Variants in PCDHGA6 observed in about 807,000 individuals in gnomAD.
The protein encoded by PCDHGA6 is protocadherin gamma-A6.
In PCDHGA6, 41 loss-of-function variants were observed where a neutral mutation model predicts 60.6. The observed-to-expected ratio is 0.68, with a 90% CI of 0.53 to 0.88. The LOEUF is 0.88. Ranked by LOEUF, PCDHGA6 falls within the 40% of genes least tolerant of loss-of-function variation. The pLI, the probability that PCDHGA6 is intolerant of heterozygous loss-of-function variation, is 0.00. For synonymous variants in PCDHGA6, 594 were observed against 524.4 expected, an observed-to-expected ratio of 1.13 and a Z score of -1.81; for missense variants, 1,312 against 1,203.0, an observed-to-expected ratio of 1.09 and a Z score of -1.34.
In PCDHGA6 at chr5:141,489,327, G is replaced by A; in HGVS notation, c.2425-5480G>A. The A allele has an allele frequency of 6.2e-7, 1 of 1,603,940 alleles. No individual in the cohort carries two copies. Among genetic ancestry groups the A allele is most frequent in the South Asian group, 1.1e-5 (1 of 89,400 alleles). ...TGTGCTGCTGGGGCTGGGTGTCTGG[G>A]CAGCTTCGTTACTCAGTGGTGGAGG... is the stretch of plus-strand genomic sequence containing the variant. On this transcript the variant is annotated intron_variant, in intron 1 of 3. Transcript: ENST00000517434. This position sits in a 1 kb window ranked among gnomAD's most constrained non-coding sequence, Gnocchi z 4.5.
chr5:141,404,592 C>T, intron 1 of PCDHGA6: 1 of 1,614,048 alleles, frequency 6.2e-7, no homozygotes, highest in African/African-American at 1.3e-5. Flanking sequence ...AGCAATGTGT[C>T]ATTGAGACTG....
At chr5:141,443,760 T>C (rs894568340) in intron 1 of PCDHGA6, among the ~76,000 whole-genome samples, 20 of 152,040 alleles carry the variant, frequency 1.3e-4, no homozygotes, top group African/African-American at 4.6e-4. Context: ...AAGCTTACAA[T>C]ATACAATATT....
rs1031996605 is a variant in PCDHGA6, at chr5:141,487,055, G to C, written c.2425-7752G>C. ...TGCAGTCTCTCGATATGCTGGGGAG[G>C]TGCGGACGGCTGTTCCTATCCCAGC... is the stretch of plus-strand genomic sequence containing the variant. On this transcript the variant is annotated intron_variant, in intron 1 of 3. Transcript: ENST00000517434. The surrounding 1 kb of genome is among the most constrained non-coding windows in gnomAD (Gnocchi z 5.0). The C allele has an allele frequency of 6.2e-7, 1 of 1,614,186 alleles. No individual in the cohort carries two copies. The highest frequency in any genetic ancestry group is 8.5e-7 in the Non-Finnish European group (1 of 1,180,038).
At chr5:141,466,510 AT>A (rs1222513096) in intron 1 of PCDHGA6, among the ~76,000 whole-genome samples, 1 of 151,938 alleles carries the variant, frequency 6.6e-6, no homozygotes, top group Non-Finnish European at 1.5e-5. Context: ...AGACAAGATC[AT>A]TTTTTTTCCT....
rs546603908 is a variant in PCDHGA6, at chr5:141,408,104, C to G, written c.2424+31597C>G. ...ACAGCGGATTGCCAGCTCCGAGACCCGGGACTCCTCCTGTCCTGGGCCGAA... is the reference window on the plus strand; with the variant it reads ...ACAGCGGATTGCCAGCTCCGAGACCGGGGACTCCTCCTGTCCTGGGCCGAA... On this transcript the variant is annotated intron_variant, in intron 1 of 3. Coordinates refer to ENST00000517434, the MANE Select transcript of PCDHGA6 (RefSeq NM_018919.3). The G allele has an allele frequency of 2.8e-3, 4,048 of 1,441,886 alleles. 13 individuals carry two copies. Among genetic ancestry groups the G allele is most frequent in the Admixed American group, 6.6e-3 (242 of 36,606 alleles). 89.3% of individuals were successfully genotyped at this position (1,441,886 alleles called of 1,614,324 possible). A position where few individuals can be genotyped will look rare whatever the true frequency, so the allele number is the denominator to read the frequency against.
chr5:141,405,351 C>T (rs2094645564), intron 1 of PCDHGA6: 1 of 1,613,962 alleles, frequency 6.2e-7, no homozygotes, highest in Non-Finnish European at 8.5e-7. Context: ...TCCAAGTTTC[C>T]TATAGAAGAC....
intron 1 of PCDHGA6, among the ~76,000 whole-genome samples, chr5:141,401,393 A>G (rs2094149748): frequency 6.6e-6 from 1 of 152,202 alleles, no homozygotes. Context: ...ACTACATGTT[A>G]TGTGTATGAG....
At position 141,487,148 on chromosome 5, in the gene PCDHGA6, G is replaced by A; in HGVS notation, c.2425-7659G>A. ...TGGTAGTCCACCACTCTCTACCTCT[G>A]TTACTCTCTTAGTGTCCTTAGAGGA... On this transcript the variant is annotated intron_variant, in intron 1 of 3. Transcript: ENST00000517434. This position sits in a 1 kb window ranked among gnomAD's most constrained non-coding sequence, Gnocchi z 5.0. The A allele has an allele frequency of 6.2e-7, 1 of 1,614,042 alleles. No homozygotes were observed. The highest frequency in any genetic ancestry group is 8.5e-7 in the Non-Finnish European group (1 of 1,179,922).
In PCDHGA6 at chr5:141,490,673, C is replaced by T; in HGVS notation, c.2425-4134C>T. ...GGCTCCCTTCTTTGCACTGTGGCTG[C>T]CTCAGATCCAGACACTGGGGATAAT... On this transcript the variant is annotated intron_variant, in intron 1 of 3. Coordinates refer to ENST00000517434, the MANE Select transcript of PCDHGA6 (RefSeq NM_018919.3). This position sits in a 1 kb window ranked among gnomAD's most constrained non-coding sequence, Gnocchi z 5.4. 1.2e-6 allele frequency: 2 copies of T among 1,614,126 alleles called. No homozygotes were observed. The highest frequency in any genetic ancestry group is 1.7e-6 in the Non-Finnish European group (2 of 1,179,952).
chr5:141,419,065 C>G (rs763008753), intron 1 of PCDHGA6: 2 of 1,613,786 alleles, frequency 1.2e-6, no homozygotes, highest in South Asian at 2.2e-5. Context: ...ATAATTACTA[C>G]AAGCTAGTAA....
intron 1 of PCDHGA6, chr5:141,419,504 C>T (rs577411043): frequency 4.7e-5 from 75 of 1,612,298 alleles, no homozygotes; most frequent in South Asian, 2.7e-4. Flanking sequence ...TGTGAGCCTG[C>T]GCGTGTTGGT....
chr5:141,418,429 A>T (rs765952024), intron 1 of PCDHGA6: 2 of 1,613,854 alleles, frequency 1.2e-6, no homozygotes, highest in African/African-American at 2.7e-5. Context: ...ATGGTGGCAA[A>T]TATCCAGAAT....
At position 141,431,123 on chromosome 5, in the gene PCDHGA6, GAAGT is replaced by G. The variant is rs751548736; in HGVS notation, c.2424+54620_2424+54623del. The G allele has an allele frequency of 1.2e-6, 2 of 1,614,100 alleles. No individual in the cohort carries two copies. The highest frequency in any genetic ancestry group is 3.3e-5 in the Admixed American group (2 of 60,014). On this transcript the variant is annotated intron_variant, in intron 1 of 3. Transcript: ENST00000517434. This position sits in a 1 kb window ranked among gnomAD's most constrained non-coding sequence, Gnocchi z 4.8. ...AGTGAAAATATATGGAGTAGAAGTA[GAAGT>G]AAGGGACATTAACGACAATGCGCCT... is the stretch of plus-strand genomic sequence containing the variant.
intron 1 of PCDHGA6, chr5:141,422,628 C>A: frequency 6.2e-7 from 1 of 1,613,410 alleles, no homozygotes; most frequent in Non-Finnish European, 8.5e-7. Context: ...AAAACAACCC[C>A]AGGGGTGCCT....
At chr5:141,419,665 C>T in intron 1 of PCDHGA6, 1 of 1,612,860 alleles carries the variant, frequency 6.2e-7, no homozygotes, top group East Asian at 2.2e-5. Flanking sequence ...GGCACAATGC[C>T]TGGCTGTCCT....
intron 1 of PCDHGA6, chr5:141,384,495 G>A (rs187774047): frequency 5.0e-6 from 8 of 1,614,162 alleles, no homozygotes; most frequent in Non-Finnish European, 6.8e-6. Context: ...AACTAAGAGT[G>A]ACTGCACATG....
intron 1 of PCDHGA6, chr5:141,410,037 G>A: frequency 1.2e-6 from 2 of 1,613,250 alleles, no homozygotes; most frequent in Non-Finnish European, 1.7e-6. Flanking sequence ...CTGCAGGCCA[G>A]TGAGCCCGGA....
intron 1 of PCDHGA6, among the ~76,000 whole-genome samples, chr5:141,433,974 C>A (rs1045247496): frequency 6.6e-6 from 1 of 152,026 alleles, no homozygotes; most frequent in Non-Finnish European, 1.5e-5. Context: ...GGCTTTCTAC[C>A]TTGAAGAAGA....
intron 3 of PCDHGA6, 118 bp downstream of exon 3, chr5:141,505,599 G>A (rs936757644): frequency 1.5e-5 from 23 of 1,555,468 alleles, no homozygotes; most frequent in South Asian, 2.4e-5. Flanking sequence ...CAGATCTTTC[G>A]GCAGGTCTGA....
Sources: allele counts gnomAD v4.1 joint callset (sites outside exome capture counted in the v4.1 genomes callset), GRCh38; gene constraint gnomAD v4.1.1; non-coding constraint Gnocchi (gnomAD v3.1); transcripts MANE v1.5; gene names NCBI Gene and HGNC (gene_info 2026-07-23, HGNC 2026-07-21).